PTK2: variants seen among roughly 807,000 people sequenced by gnomAD.
PTK2 encodes protein tyrosine kinase 2.
Under a neutral mutation model 150.1 loss-of-function variants are expected in PTK2, and 45 were observed. That is an observed-to-expected ratio of 0.30 (90% CI 0.24 to 0.38). The LOEUF (loss-of-function observed/expected upper bound fraction) is 0.38, where lower values mean the gene tolerates loss of function less well. Among genes scored for constraint, PTK2 ranks in the 10% least tolerant of loss-of-function variants. The probability of loss-of-function intolerance (pLI) is 1.00; values close to 1 mark genes in which losing one functional copy is unlikely to be tolerated. For synonymous variants in PTK2, 432 were observed against 449.2 expected (o/e 0.96, Z 0.48); for missense variants, 919 against 1,307.3 (o/e 0.70, Z 4.58).
At chr8:140,694,024 C>T (rs1399529782) in intron 26 of PTK2, among the ~76,000 whole-genome samples, 1 of 150,762 alleles carries the variant, frequency 6.6e-6, no homozygotes, top group Non-Finnish European at 1.5e-5. Flanking sequence ...AGCTAAGCAT[C>T]TTTTTTTCTT....
In PTK2 at chr8:140,662,035, C is replaced by T. The variant is rs150435226; in HGVS notation, c.2947-2357G>A. Among the ~76,000 whole-genome samples, 1,022 of 152,168 alleles carry T rather than the reference C, an allele frequency of 6.7e-3. 11 individuals carry two copies. Among genetic ancestry groups the T allele is most frequent in the African/African-American group, 0.023 (935 of 41,528 alleles). On this transcript the variant is annotated intron_variant, in intron 31 of 31. Transcript: ENST00000522684. ...ATTTAAGGCCAGGTGTGGTGGCTCA[C>T]GCCTGTAACCCCAGCACTTTGGGAG...
At chr8:140,874,778 T>C (rs2100144593) in intron 4 of PTK2, among the ~76,000 whole-genome samples, 2 of 152,202 alleles carry the variant, frequency 1.3e-5, no homozygotes, top group African/African-American at 4.8e-5. Flanking sequence ...ATACTGTTAT[T>C]AACTTAAGCT....
chr8:140,903,484 G>A (rs536872072), intron 2 of PTK2, among the ~76,000 whole-genome samples: 77 of 152,092 alleles, frequency 5.1e-4, no homozygotes, highest in Non-Finnish European at 8.5e-4. Flanking sequence ...TTGGCTATGC[G>A]GGCTCTTTTT....
At chr8:140,731,416 G>A (rs1327496246) in intron 22 of PTK2, among the ~76,000 whole-genome samples, 1 of 152,080 alleles carries the variant, frequency 6.6e-6, no homozygotes, top group African/African-American at 2.4e-5. Context: ...ATAGGCCACT[G>A]GCAGGTTAAT....
At chr8:140,968,735 T>C (rs1188012210) in intron 1 of PTK2, among the ~76,000 whole-genome samples, 1 of 152,238 alleles carries the variant, frequency 6.6e-6, no homozygotes, top group Non-Finnish European at 1.5e-5. Context: ...ACAACTCTTC[T>C]ATCATACTTG....
chr8:140,891,001 C>T (rs886538774), intron 2 of PTK2, among the ~76,000 whole-genome samples: 32 of 151,982 alleles, frequency 2.1e-4, no homozygotes, highest in African/African-American at 7.7e-4. Context: ...TATTAAAAGG[C>T]CAGGACTCCA....
chr8:140,788,812 T>C (rs1435872930), intron 14 of PTK2, among the ~76,000 whole-genome samples: 1 of 152,194 alleles, frequency 6.6e-6, no homozygotes, highest in African/African-American at 2.4e-5. Flanking sequence ...ATTACATATG[T>C]GTGTATATGG....
chr8:140,841,042 G>A (rs766582240), intron 7 of PTK2, among the ~76,000 whole-genome samples: 18 of 152,078 alleles, frequency 1.2e-4, no homozygotes, highest in Admixed American at 3.3e-4. Context: ...TATATTGTTC[G>A]TATGTTTAAA....
chr8:140,945,961 C>G (rs557126628), intron 1 of PTK2, among the ~76,000 whole-genome samples: 4 of 152,316 alleles, frequency 2.6e-5, no homozygotes, highest in Non-Finnish European at 5.9e-5. Flanking sequence ...ATTTTCTACT[C>G]ACCTGTCTTA....
intron 1 of PTK2, among the ~76,000 whole-genome samples, chr8:140,937,335 C>T (rs1307415407): frequency 6.6e-6 from 1 of 151,998 alleles, no homozygotes; most frequent in Non-Finnish European, 1.5e-5. Context: ...TTAAGTATTT[C>T]CACACCTGAT....
At chr8:140,911,781 G>A (rs1482321563) in intron 2 of PTK2, among the ~76,000 whole-genome samples, 2 of 151,882 alleles carry the variant, frequency 1.3e-5, no homozygotes, top group South Asian at 2.1e-4. Flanking sequence ...ATACATAAAC[G>A]TAAAAAGGGA....
chr8:140,909,918 TTTGAAATGTATTCATAA>T (rs1187359563), intron 2 of PTK2, among the ~76,000 whole-genome samples: 1 of 152,202 alleles, frequency 6.6e-6, no homozygotes, highest in Non-Finnish European at 1.5e-5. Flanking sequence ...ATCTGGTATA[TTTGAAATGTATTCATAA>T]TCCAATAACC....
intron 1 of PTK2, among the ~76,000 whole-genome samples, chr8:141,000,087 T>TCTCACACACACACACACACA (rs765058833): frequency 2.7e-4 from 22 of 81,648 alleles, no homozygotes; most frequent in African/African-American, 5.7e-4. Context: ...TGAAACCAAT[T>TCTCACACACACACACACACA]CACACACACA....
chr8:140,780,294 G>A (rs376961360), intron 14 of PTK2, among the ~76,000 whole-genome samples: 4 of 152,154 alleles, frequency 2.6e-5, no homozygotes, highest in East Asian at 1.9e-4. Flanking sequence ...TCATGGGAAC[G>A]TTCTCATGTA....
At chr8:140,658,278 A>T (rs1441323705) in exon 32 of PTK2, 1 of 163,746 alleles carries the variant, frequency 6.1e-6, no homozygotes, top group East Asian at 1.3e-4. Context: ...AAAAAAAGAA[A>T]CTAATTAGTG....
intron 15 of PTK2, among the ~76,000 whole-genome samples, chr8:140,762,774 T>G (rs1052382871): frequency 6.6e-5 from 10 of 151,338 alleles, no homozygotes; most frequent in African/African-American, 1.7e-4. Context: ...GTTTTGGTGT[T>G]TTTTTTTTCT....
At chr8:140,751,195 G>T (rs1452530546) in intron 17 of PTK2, among the ~76,000 whole-genome samples, 4 of 152,144 alleles carry the variant, frequency 2.6e-5, no homozygotes, top group Non-Finnish European at 5.9e-5. Flanking sequence ...TGGAGACAGG[G>T]TCTCATTCAG....
chr8:140,892,564 G>C (rs762914740), intron 2 of PTK2: 1 of 443,740 alleles, frequency 2.3e-6, no homozygotes, highest in Admixed American at 2.8e-5. Context: ...GCAAAGAAAA[G>C]AGCCAACCCT....
At chr8:140,995,585 T>C (rs2100197363) in intron 1 of PTK2, among the ~76,000 whole-genome samples, 1 of 151,888 alleles carries the variant, frequency 6.6e-6, no homozygotes, top group Non-Finnish European at 1.5e-5. Flanking sequence ...GCGGATTGCC[T>C]GAGCTCAGGA....
Sources: gnomAD v4.1 joint callset for allele counts (sites outside exome capture counted in the v4.1 genomes callset) on GRCh38, gnomAD v4.1.1 for gene constraint, MANE v1.5 for transcripts, NCBI Gene and HGNC (gene_info 2026-07-23, HGNC 2026-07-21) for gene names.